PGBD2: variants seen among roughly 807,000 people sequenced by gnomAD.
PGBD2 encodes the protein piggyBac transposable element derived 2.
A neutral mutation model predicts 8.1 loss-of-function variants in PGBD2; 6 were observed. The observed-to-expected ratio is 0.74, with a 90% CI of 0.40 to 1.46. PGBD2 has a LOEUF of 1.46. Among genes scored for constraint, PGBD2 ranks in the 40% most tolerant of loss-of-function variants. The pLI, the probability that PGBD2 is intolerant of heterozygous loss-of-function variation, is 0.02. For missense variants in PGBD2, 802 were observed against 739.0 expected (o/e 1.09, Z -0.99); for synonymous variants, 318 against 272.2 (o/e 1.17, Z -1.66).
At chr1:248,928,437 G>T in the PGBD2 span, among the ~76,000 whole-genome samples, 61 of 152,114 alleles carry the variant, frequency 4.0e-4, no homozygotes, top group Admixed American at 7.9e-4. Context: ...CAGTGACAAG[G>T]GAACACAGGT....
At position 248,918,436 on chromosome 1, in the gene PGBD2, T is replaced by C. The variant is rs763868514; in HGVS notation, c.*73T>C. The C allele has an allele frequency of 7.0e-6, 10 of 1,433,058 alleles. No homozygotes were observed. Among genetic ancestry groups the C allele is most frequent in the Admixed American group, 2.6e-5 (1 of 37,954 alleles). 88.8% of individuals were successfully genotyped at this position (1,433,058 alleles called of 1,614,324 possible). On this transcript the variant is annotated 3_prime_UTR_variant, in exon 3 of 3. Transcript: ENST00000329291. ...AATACAGATGGCAGTTGAGCACTTC[T>C]GTTTTGTGTTGGAAAAAAGACCTGA...
At chr1:248,905,475 C>T (rs1362554387), upstream of PGBD2, among the ~76,000 whole-genome samples, 1 of 151,690 alleles carries the variant, frequency 6.6e-6, no homozygotes, top group Non-Finnish European at 1.5e-5. Context: ...TTTTATTTGT[C>T]ATAACTAGAG....
chr1:248,920,260 CCTACATTAGGTATTTGTCCTAATG>C (rs1662257695), downstream of PGBD2, among the ~76,000 whole-genome samples: 1 of 152,080 alleles, frequency 6.6e-6, no homozygotes, highest in South Asian at 2.1e-4. Context: ...CAACCTGTCA[CCTACATTAGGTATTTGTCCTAATG>C]CTATCCCTCC....
chr1:248,913,191 C>G (rs1419364453), intron 1 of PGBD2, among the ~76,000 whole-genome samples: 1 of 152,104 alleles, frequency 6.6e-6, no homozygotes, highest in East Asian at 1.9e-4. Context: ...TTCCTCACTC[C>G]AGTTTCCCTC....
At chr1:248,873,116 G>C in the PGBD2 span, among the ~76,000 whole-genome samples, 2 of 152,208 alleles carry the variant, frequency 1.3e-5, no homozygotes, top group Non-Finnish European at 2.9e-5. Flanking sequence ...TCGATGTTAA[G>C]ATTCAACGAA....
chr1:248,926,934 A>C, the PGBD2 span, among the ~76,000 whole-genome samples: 1 of 152,136 alleles, frequency 6.6e-6, no homozygotes, highest in South Asian at 2.1e-4. Context: ...TACTGCTACC[A>C]CCCCACAACC....
At chr1:248,913,158 C>G (rs189481976) in intron 1 of PGBD2, among the ~76,000 whole-genome samples, 7 of 152,114 alleles carry the variant, frequency 4.6e-5, no homozygotes, top group Non-Finnish European at 7.4e-5. Flanking sequence ...TCCTCTCCCC[C>G]CTCACCCCAT....
chr1:248,893,105 C>A, the PGBD2 span, among the ~76,000 whole-genome samples: 1 of 152,096 alleles, frequency 6.6e-6, no homozygotes, highest in South Asian at 2.1e-4. Flanking sequence ...CAGAAAATGG[C>A]ACATAATTAA....
At chr1:248,927,515 C>G in the PGBD2 span, among the ~76,000 whole-genome samples, 1 of 152,198 alleles carries the variant, frequency 6.6e-6, no homozygotes, top group Admixed American at 6.5e-5. Flanking sequence ...TTTAAGTTTT[C>G]CAAGCCATGT....
At chr1:248,879,725 A>G in the PGBD2 span, among the ~76,000 whole-genome samples, 1 of 152,126 alleles carries the variant, frequency 6.6e-6, no homozygotes, top group Non-Finnish European at 1.5e-5. Context: ...GTATGCTGAT[A>G]TGTGTCATAA....
downstream of PGBD2, among the ~76,000 whole-genome samples, chr1:248,922,734 G>C (rs1662312811): frequency 2.6e-5 from 4 of 152,152 alleles, no homozygotes; most frequent in Admixed American, 2.6e-4. Flanking sequence ...TTTGTCTTTG[G>C]TTCTGTTTAT....
At chr1:248,908,684 A>AT (rs35383461) in intron 1 of PGBD2, among the ~76,000 whole-genome samples, 87,752 of 146,124 alleles carry the variant, frequency 0.6, 26,216 homozygotes, top group African/African-American at 0.66. Flanking sequence ...CTCTTCCTGT[A>AT]TTTTTTTTTT....
chr1:248,873,767 C>G, the PGBD2 span, among the ~76,000 whole-genome samples: 1 of 152,220 alleles, frequency 6.6e-6, no homozygotes, highest in African/African-American at 2.4e-5. Flanking sequence ...CAGTAGGGTT[C>G]CCACGGCCGC....
Position 248,917,290 on chromosome 1 carries a change from C to T in PGBD2, c.706C>T (p.Leu236Phe), listed in dbSNP as rs1438515179. The change falls in exon 3 of 3, where the codon CTT (leucine) becomes TTT (phenylalanine). Residue 236 changes from leucine to phenylalanine, a missense_variant. Coordinates refer to ENST00000329291, the MANE Select transcript of PGBD2 (RefSeq NM_170725.3). ...CTTACATTTTGCAGATAACAACGAA[C>T]TTGATGCAAGTGATAGGTTTGCCAA... The part of the protein sequence containing the change: ...SYLHFADNNE[L>F]DASDRFAKVR... 1.2e-6 allele frequency: 2 copies of T among 1,614,078 alleles called. No individual in the cohort carries two copies. Among genetic ancestry groups the T allele is most frequent in the African/African-American group, 1.3e-5 (1 of 74,914 alleles).
chr1:248,893,531 A>T, the PGBD2 span, among the ~76,000 whole-genome samples: 3 of 152,218 alleles, frequency 2.0e-5, no homozygotes, highest in African/African-American at 7.2e-5. Flanking sequence ...GTCCATCTAA[A>T]TGACTGCAAA....
At chr1:248,911,708 C>T (rs1266465085) in intron 1 of PGBD2, among the ~76,000 whole-genome samples, 1 of 150,304 alleles carries the variant, frequency 6.7e-6, no homozygotes, top group Non-Finnish European at 1.5e-5. Flanking sequence ...GGCAGAGGCG[C>T]CCCTCACCTC....
At chr1:248,892,901 C>T in the PGBD2 span, among the ~76,000 whole-genome samples, 35 of 152,286 alleles carry the variant, frequency 2.3e-4, no homozygotes, top group African/African-American at 7.0e-4. Flanking sequence ...GACACCCAGG[C>T]TTGAGTGTCC....
At chr1:248,906,947 G>A (rs1472848372) in intron 1 of PGBD2, among the ~76,000 whole-genome samples, 1 of 152,108 alleles carries the variant, frequency 6.6e-6, no homozygotes, top group Non-Finnish European at 1.5e-5. Flanking sequence ...ACACCTGTGG[G>A]ATATCTTGTC....
At chr1:248,913,914 G>C in intron 2 of PGBD2, 35 bp downstream of exon 2, 2 of 1,581,790 alleles carry the variant, frequency 1.3e-6, no homozygotes, top group East Asian at 2.2e-5. Flanking sequence ...TTTTATTGAA[G>C]AATTTATTCC....
Sources: gnomAD v4.1 joint callset for allele counts (sites outside exome capture counted in the v4.1 genomes callset) on GRCh38, gnomAD v4.1.1 for gene constraint, MANE v1.5 for transcripts, NCBI Gene and HGNC (gene_info 2026-07-23, HGNC 2026-07-21) for gene names.